FHIT: variants seen among roughly 807,000 people sequenced by gnomAD.
FHIT encodes the protein bis(5'-adenosyl)-triphosphatase.
Under a neutral mutation model 17.9 loss-of-function variants are expected in FHIT, and 19 were observed. The ratio of observed to expected loss-of-function variants is 1.06; its 90% confidence interval spans 0.74 to 1.56. The LOEUF (loss-of-function observed/expected upper bound fraction) is 1.56, where lower values mean the gene tolerates loss of function less well. Among genes scored for constraint, FHIT ranks in the 40% most tolerant of loss-of-function variants. The probability of loss-of-function intolerance (pLI) is 0.00; values close to 1 mark genes in which losing one functional copy is unlikely to be tolerated. For synonymous variants in FHIT, 81 were observed against 69.7 expected, an observed-to-expected ratio of 1.16 and a Z score of -0.81; for missense variants, 248 against 189.2, an observed-to-expected ratio of 1.31 and a Z score of -1.82.
At chr3:60,418,915 G>A (rs1189748858) in intron 5 of FHIT, among the ~76,000 whole-genome samples, 1 of 152,040 alleles carries the variant, frequency 6.6e-6, no homozygotes, top group Non-Finnish European at 1.5e-5. Flanking sequence ...TTAGATTCCT[G>A]TATACACAAG....
intron 5 of FHIT, among the ~76,000 whole-genome samples, chr3:60,212,924 G>A (rs934821704): frequency 4.6e-5 from 7 of 152,090 alleles, no homozygotes; most frequent in African/African-American, 1.7e-4. Flanking sequence ...TCTATCTCAG[G>A]GATTTTGCTA....
chr3:59,945,177 C>T (rs1254452104), intron 7 of FHIT, among the ~76,000 whole-genome samples: 6 of 152,138 alleles, frequency 3.9e-5, no homozygotes, highest in Admixed American at 3.9e-4. Flanking sequence ...ACAACCTCAC[C>T]ACTACCTGCT....
intron 7 of FHIT, among the ~76,000 whole-genome samples, chr3:59,927,557 G>A (rs1705731976): frequency 6.6e-6 from 1 of 151,530 alleles, no homozygotes; most frequent in Non-Finnish European, 1.5e-5. Context: ...CACGAGGTCA[G>A]GAGTTCGAGA....
At chr3:60,109,468 G>C (rs2142302) in intron 5 of FHIT, among the ~76,000 whole-genome samples, 21,938 of 152,104 alleles carry the variant, frequency 0.14, 2,125 homozygotes, top group East Asian at 0.44. Context: ...TATTCCTAAA[G>C]AGAGAGTAAA....
At chr3:59,920,053 G>A (rs1705327724) in intron 8 of FHIT, among the ~76,000 whole-genome samples, 1 of 152,166 alleles carries the variant, frequency 6.6e-6, no homozygotes, top group Non-Finnish European at 1.5e-5. Flanking sequence ...AATGGTAGAT[G>A]GGAACATCCA....
At chr3:59,842,928 A>G (rs370409582) in intron 8 of FHIT, among the ~76,000 whole-genome samples, 45 of 151,916 alleles carry the variant, frequency 3.0e-4, no homozygotes, top group Admixed American at 2.3e-3. Context: ...CAATTCATCT[A>G]TTTTTCCTTT....
intron 3 of FHIT, among the ~76,000 whole-genome samples, chr3:61,040,210 C>G (rs1004075625): frequency 1.3e-5 from 2 of 152,176 alleles, no homozygotes; most frequent in Non-Finnish European, 2.9e-5. Context: ...TGACCTAAAA[C>G]ATTTGCTGAA....
intron 1 of FHIT, among the ~76,000 whole-genome samples, chr3:61,231,806 G>T (rs951079329): frequency 4.6e-5 from 7 of 152,162 alleles, no homozygotes; most frequent in African/African-American, 1.7e-4. Flanking sequence ...AAAAAGAAAG[G>T]CTGAGGCAGA....
chr3:59,816,106 T>C (rs1700590461), intron 8 of FHIT, among the ~76,000 whole-genome samples: 1 of 152,184 alleles, frequency 6.6e-6, no homozygotes, highest in Non-Finnish European at 1.5e-5. Context: ...GTCCTGGATC[T>C]GGGAGGCTGT....
At chr3:59,866,641 G>C (rs1702664839) in intron 8 of FHIT, among the ~76,000 whole-genome samples, 1 of 152,170 alleles carries the variant, frequency 6.6e-6, no homozygotes, top group Admixed American at 6.5e-5. Flanking sequence ...ATGTCTAAAA[G>C]TAAATCTGAT....
intron 5 of FHIT, among the ~76,000 whole-genome samples, chr3:60,115,152 T>C (rs950168858): frequency 6.6e-6 from 1 of 151,790 alleles, no homozygotes; most frequent in Non-Finnish European, 1.5e-5. Flanking sequence ...TAAAACAAAA[T>C]GACAAAGGAA....
chr3:60,825,671 G>A (rs2106789286), intron 3 of FHIT, among the ~76,000 whole-genome samples: 1 of 152,204 alleles, frequency 6.6e-6, no homozygotes, highest in Middle Eastern at 3.4e-3. Context: ...TAGGCTGCCT[G>A]CTCCTTATGA....
chr3:61,145,139 T>C (rs1024713006), intron 2 of FHIT, among the ~76,000 whole-genome samples: 2 of 152,144 alleles, frequency 1.3e-5, no homozygotes, highest in Non-Finnish European at 2.9e-5. Flanking sequence ...TTAATTCATA[T>C]GGTTTTGCCA....
chr3:61,009,360 G>A (rs939787055), intron 3 of FHIT, among the ~76,000 whole-genome samples: 1 of 152,092 alleles, frequency 6.6e-6, no homozygotes, highest in African/African-American at 2.4e-5. Context: ...TCTCTGAAAC[G>A]GTAAAGTGCT....
chr3:59,794,072 A>T (rs1438787871), intron 8 of FHIT, among the ~76,000 whole-genome samples: 1 of 152,106 alleles, frequency 6.6e-6, no homozygotes, highest in East Asian at 1.9e-4. Context: ...GGGTTTTTTT[A>T]AACCATGAAA....
At chr3:61,047,894 A>C (rs560578213) in intron 2 of FHIT, among the ~76,000 whole-genome samples, 4 of 139,220 alleles carry the variant, frequency 2.9e-5, no homozygotes, top group Non-Finnish European at 6.3e-5. Context: ...CTATTTAATA[A>C]ATGGTGCTGG....
intron 2 of FHIT, among the ~76,000 whole-genome samples, chr3:61,103,809 T>A (rs2035908882): frequency 6.6e-6 from 1 of 152,346 alleles, no homozygotes; most frequent in East Asian, 1.9e-4. Flanking sequence ...CATTATGTAA[T>A]GGCTTTCTTT....
chr3:60,319,523 G>C (rs1314572041), intron 5 of FHIT, among the ~76,000 whole-genome samples: 1 of 152,004 alleles, frequency 6.6e-6, no homozygotes, highest in Admixed American at 6.6e-5. Flanking sequence ...GCCAGTAAAA[G>C]GGCAGAGACA....
intron 2 of FHIT, among the ~76,000 whole-genome samples, chr3:61,077,362 G>A (rs537208631): frequency 1.3e-5 from 2 of 152,050 alleles, no homozygotes; most frequent in East Asian, 3.9e-4. Context: ...TAGAGTTCAA[G>A]CATACTTAGA....
Sources: gnomAD v4.1 joint callset for allele counts (sites outside exome capture counted in the v4.1 genomes callset) on GRCh38, gnomAD v4.1.1 for gene constraint, MANE v1.5 for transcripts, NCBI Gene and HGNC (gene_info 2026-07-23, HGNC 2026-07-21) for gene names.